Variants in SHANK2 observed in about 807,000 individuals in gnomAD.
The protein encoded by SHANK2 is SH3 and multiple ankyrin repeat domains protein 2.
In SHANK2, 43 loss-of-function variants were observed where a neutral mutation model predicts 133.7. The ratio of observed to expected loss-of-function variants is 0.32; its 90% CI spans 0.25 to 0.41. The LOEUF (loss-of-function observed/expected upper bound fraction) is 0.41, where lower values mean the gene tolerates loss of function less well. Among genes scored for constraint, SHANK2 ranks in the 10% least tolerant of loss-of-function variants. The pLI, the probability that SHANK2 is intolerant of heterozygous loss-of-function variation, is 1.00. For missense variants in SHANK2, 1,994 were observed against 2,235.8 expected, an observed-to-expected ratio of 0.89 and a Z score of 2.18; for synonymous variants, 1,017 against 952.8, an observed-to-expected ratio of 1.07 and a Z score of -1.24.
intron 2 of SHANK2, among the ~76,000 whole-genome samples, chr11:71,150,386 GAGGGAGGGACAGGGAGGGAC>G (rs1184832970): frequency 1.7e-5 from 2 of 119,076 alleles, no homozygotes; most frequent in South Asian, 7.3e-4. Context: ...GAGGGAGGGA[GAGGGAGGGACAGGGAGGGAC>G]AGGGAGGGAG....
intron 9 of SHANK2, among the ~76,000 whole-genome samples, chr11:71,066,096 G>A (rs1297907480): frequency 3.3e-4 from 39 of 116,862 alleles, no homozygotes; most frequent in African/African-American, 5.9e-4. Flanking sequence ...TTGGTGGGGG[G>A]GGTGTGTGCA....
intron 14 of SHANK2, among the ~76,000 whole-genome samples, chr11:70,755,738 G>A (rs141823512): frequency 0.018 from 2,765 of 152,316 alleles, 35 homozygotes; most frequent in Non-Finnish European, 0.029. Flanking sequence ...CAGTGAGTCC[G>A]CTCCTACCAG....
At chr11:70,888,836 A>AGAGAGAAAGAGGAT (rs1235016388) in intron 11 of SHANK2, among the ~76,000 whole-genome samples, 2 of 101,076 alleles carry the variant, frequency 2.0e-5, no homozygotes, top group African/African-American at 1.5e-4. Flanking sequence ...GAAAAAAAAA[A>AGAGAGAAAGAGGAT]GAGAGAAAGA....
chr11:71,162,497 C>G (rs1459151748), intron 2 of SHANK2, among the ~76,000 whole-genome samples: 1 of 152,218 alleles, frequency 6.6e-6, no homozygotes, highest in Non-Finnish European at 1.5e-5. Context: ...CAAACCATAG[C>G]AGCCACCAAC....
In SHANK2 at chr11:70,485,644, G is replaced by C; in HGVS notation, c.4649C>G (p.Pro1550Arg). The C allele has an allele frequency of 6.2e-7, 1 of 1,614,084 alleles. No individual in the cohort carries two copies. Among genetic ancestry groups the C allele is most frequent in the Middle Eastern group, 1.6e-4 (1 of 6,062 alleles). The change falls in exon 25 of 26, where the codon CCA becomes CGA. Residue 1550 changes from proline (P) to arginine (R), a missense_variant. Around this residue, in one of 5 missense-constraint regions of SHANK2, gnomAD observed 797 missense variants for 907.4 expected, o/e 0.88. Transcript: ENST00000601538. The surrounding 1 kb of genome is among the most constrained non-coding windows in gnomAD (Gnocchi z 5.8). Reference sequence around the variant, plus strand: ...TTTGTGAATGATGGGCTTCATTTTTGGCTTAGGAGGTACTGGGGGTTTGTC... The same window carrying C: ...TTTGTGAATGATGGGCTTCATTTTTCGCTTAGGAGGTACTGGGGGTTTGTC... ...MVDKPPVPPK[P>R]KMKPIIHKSN...
chr11:70,658,157 C>A (rs1276203361), intron 17 of SHANK2, among the ~76,000 whole-genome samples: 2 of 149,854 alleles, frequency 1.3e-5, no homozygotes, highest in South Asian at 2.2e-4. Context: ...CACACTCTTA[C>A]ACCACCTATA....
chr11:70,864,021 C>T (rs373218181), intron 11 of SHANK2: 2 of 370,800 alleles, frequency 5.4e-6, no homozygotes, highest in African/African-American at 4.2e-5. Context: ...CATGGCCTCC[C>T]CTGTCCTGGC....
chr11:70,695,697 T>C (rs1452256795), intron 15 of SHANK2, among the ~76,000 whole-genome samples: 1 of 152,206 alleles, frequency 6.6e-6, no homozygotes, highest in Non-Finnish European at 1.5e-5. Context: ...TCAGTGTCCC[T>C]CTAGCAGGTG....
intron 3 of SHANK2, among the ~76,000 whole-genome samples, chr11:71,138,928 G>C (rs1465705478): frequency 6.6e-6 from 1 of 152,132 alleles, no homozygotes; most frequent in Non-Finnish European, 1.5e-5. Flanking sequence ...GCGGGAATGA[G>C]AGGGCAGGGC....
chr11:70,756,091 G>T (rs1946868202), intron 14 of SHANK2, among the ~76,000 whole-genome samples: 1 of 152,122 alleles, frequency 6.6e-6, no homozygotes, highest in Non-Finnish European at 1.5e-5. Flanking sequence ...GCCGCAGCGG[G>T]TTCAGGGTGA....
intron 9 of SHANK2, among the ~76,000 whole-genome samples, chr11:71,068,811 G>C (rs1339952458): frequency 6.6e-6 from 1 of 151,042 alleles, no homozygotes; most frequent in Admixed American, 6.6e-5. Context: ...CCATCACCAT[G>C]ACCATGCTCA....
chr11:71,200,249 C>T (rs957182708), intron 2 of SHANK2, among the ~76,000 whole-genome samples: 1 of 152,204 alleles, frequency 6.6e-6, no homozygotes, highest in Non-Finnish European at 1.5e-5. Context: ...CCTTTCACCA[C>T]ACGTAATGTC....
intron 2 of SHANK2, among the ~76,000 whole-genome samples, chr11:71,199,422 T>C (rs558461078): frequency 6.6e-6 from 1 of 152,210 alleles, no homozygotes; most frequent in East Asian, 1.9e-4. Context: ...AAATGTGACC[T>C]GCCGTAGAGG....
rs34147403 is a variant in SHANK2 at position 70,625,810 on chromosome 11, G to GAAAAAA, written c.2061+34012_2061+34017dup. Reference sequence around the variant, plus strand: ...GCCTCTTGGATCTCTGTGCAAAAATGAAAAAAAAAAAAAAAAAAAAAAAAA... The same window carrying GAAAAAA: ...GCCTCTTGGATCTCTGTGCAAAAATGAAAAAAAAAAAAAAAAAAAAAAAAAAAAAAA... On this transcript the variant is annotated intron_variant, in intron 17 of 25. Transcript: ENST00000601538. 3.7e-3 allele frequency among the ~76,000 whole-genome samples: 154 copies of GAAAAAA among 41,400 alleles called. 1 individual carries two copies. The highest frequency in any genetic ancestry group is 6.9e-3 in the African/African-American group (63 of 9,116). The allele number at this position is 41,400 out of a possible 152,430, so 27.2% of individuals were successfully genotyped here.
At chr11:71,161,247 G>C (rs1399637904) in intron 2 of SHANK2, among the ~76,000 whole-genome samples, 1 of 152,170 alleles carries the variant, frequency 6.6e-6, no homozygotes, top group Non-Finnish European at 1.5e-5. Context: ...ATTCCAACCT[G>C]ACTCTAGTAT....
In SHANK2 at chr11:71,142,031, G is replaced by C. The variant is rs1261429350; in HGVS notation, c.207+5089C>G. 2.0e-5 allele frequency among the ~76,000 whole-genome samples: 3 copies of C among 151,714 alleles called. No individual in the cohort carries two copies. In the East Asian group the frequency reaches 5.8e-4, roughly 29 times the overall value. On this transcript the variant is annotated intron_variant, in intron 3 of 25. Coordinates refer to ENST00000601538, the MANE Select transcript of SHANK2 (RefSeq NM_012309.5). The stretch of plus-strand genomic sequence containing the variant: ...GCCCCCGAGAATGCTTGATGCCAGG[G>C]AGGACAAAAATAAGACAGAAAACCT...
Position 70,915,916 on chromosome 11 carries a change from C to T in SHANK2, c.1108-19349G>A, listed in dbSNP as rs145085243. Among the ~76,000 whole-genome samples the T allele has an allele frequency of 7.8e-4, 119 of 152,276 alleles. No homozygotes were observed. The East Asian group carries it at 0.022, about 28-fold the overall frequency. ...CTAAACACTGTGTGTGTTCCCTGAC[C>T]TCCATTTATTTCAGAGCGCAGGCCT... On this transcript the variant is annotated intron_variant, in intron 10 of 25. Transcript: ENST00000601538.
chr11:70,501,969 T>C, intron 19 of SHANK2, 38 bp from the exon 20 acceptor site: 2 of 1,551,924 alleles, frequency 1.3e-6, no homozygotes, highest in Non-Finnish European at 1.7e-6. Flanking sequence ...AAAACAATGT[T>C]AGATAAACAG....
At chr11:70,716,987 A>G (rs1945944283) in intron 14 of SHANK2, among the ~76,000 whole-genome samples, 1 of 149,938 alleles carries the variant, frequency 6.7e-6, no homozygotes, top group Non-Finnish European at 1.5e-5. Flanking sequence ...GTGAGAAGCT[A>G]CTGGAGAAGC....
Sources: allele counts gnomAD v4.1 joint callset (sites outside exome capture counted in the v4.1 genomes callset), GRCh38; gene constraint gnomAD v4.1.1; regional missense constraint gnomAD v4.1.1; non-coding constraint Gnocchi (gnomAD v3.1); transcripts MANE v1.5; gene names NCBI Gene and HGNC (gene_info 2026-07-23, HGNC 2026-07-21).